PLCH1: variants seen among roughly 807,000 people sequenced by gnomAD.
PLCH1 encodes the protein phospholipase C eta 1.
PLCH1 carries 60 observed loss-of-function variants against 126.7 expected under a neutral mutation model. The ratio of observed to expected loss-of-function variants is 0.47; its 90% confidence interval spans 0.38 to 0.59. The LOEUF is 0.59. Among genes scored for constraint, PLCH1 ranks in the 20% least tolerant of loss-of-function variants. PLCH1 has a pLI of 0.00. For synonymous variants in PLCH1, 719 were observed against 734.9 expected, an observed-to-expected ratio of 0.98 and a Z score of 0.35; for missense variants, 1,723 against 2,040.0, an observed-to-expected ratio of 0.84 and a Z score of 2.99.
At chr3:155,627,934 A>G (rs1321157047) in intron 2 of PLCH1, among the ~76,000 whole-genome samples, 1 of 151,690 alleles carries the variant, frequency 6.6e-6, no homozygotes, top group Non-Finnish European at 1.5e-5. Context: ...CGCCTGGCTA[A>G]TTTTGTAATT....
chr3:155,472,297 C>A (rs1287830552), intron 21 of PLCH1, among the ~76,000 whole-genome samples: 1 of 152,218 alleles, frequency 6.6e-6, no homozygotes, highest in African/African-American at 2.4e-5. Context: ...ATACTACAAA[C>A]AACTCTACAC....
chr3:155,640,855 G>A (rs962760875), intron 2 of PLCH1, among the ~76,000 whole-genome samples: 2 of 152,050 alleles, frequency 1.3e-5, no homozygotes, highest in South Asian at 4.1e-4. Flanking sequence ...CCACTACTCC[G>A]CTAGCATGGT....
chr3:155,455,675 A>G (rs1712419824), intron 21 of PLCH1, among the ~76,000 whole-genome samples: 1 of 152,240 alleles, frequency 6.6e-6, no homozygotes, highest in Admixed American at 6.5e-5. Flanking sequence ...GTAATGGATT[A>G]TAACTGAGTA....
At chr3:155,614,062 A>G (rs1399937882) in intron 2 of PLCH1, among the ~76,000 whole-genome samples, 1 of 152,198 alleles carries the variant, frequency 6.6e-6, no homozygotes, top group Non-Finnish European at 1.5e-5. Context: ...CTGAAAATAA[A>G]TAGAATACTT....
intron 8 of PLCH1, among the ~76,000 whole-genome samples, chr3:155,555,674 C>G (rs1726732786): frequency 6.6e-6 from 1 of 152,202 alleles, no homozygotes; most frequent in Non-Finnish European, 1.5e-5. Flanking sequence ...TCTGGTTAGG[C>G]AAATTTTCTC....
At chr3:155,537,201 C>CAAAAAAAAAAAAAAAA (rs1560128167) in intron 10 of PLCH1, among the ~76,000 whole-genome samples, 6 of 132,108 alleles carry the variant, frequency 4.5e-5, no homozygotes, top group African/African-American at 1.2e-4. Context: ...AAAAAAAAAA[C>CAAAAAAAAAAAAAAAA]CAAAAAAAAA....
downstream of PLCH1, among the ~76,000 whole-genome samples, chr3:155,475,947 C>T (rs1713527713): frequency 6.6e-6 from 1 of 152,080 alleles, no homozygotes; most frequent in African/African-American, 2.4e-5. Flanking sequence ...AGAAGGAACA[C>T]TTCCAAACTC....
At chr3:155,663,653 C>A (rs1441059205) in intron 2 of PLCH1, among the ~76,000 whole-genome samples, 4 of 152,166 alleles carry the variant, frequency 2.6e-5, no homozygotes, top group South Asian at 2.1e-4. Context: ...CACGCAGGGG[C>A]TATGGCTTAT....
chr3:155,634,003 C>T (rs746881238), intron 2 of PLCH1, among the ~76,000 whole-genome samples: 20 of 152,140 alleles, frequency 1.3e-4, no homozygotes, highest in Non-Finnish European at 2.9e-4. Context: ...CTGCAATCCA[C>T]GTCTCCTCTA....
intron 7 of PLCH1, among the ~76,000 whole-genome samples, chr3:155,567,142 G>A (rs1402639980): frequency 6.6e-6 from 1 of 151,836 alleles, no homozygotes; most frequent in African/African-American, 2.4e-5. Context: ...GCACGGTCTC[G>A]GCTCACTGCA....
At chr3:155,743,430 G>A (rs1231048323) in intron 1 of PLCH1, 3 of 392,898 alleles carry the variant, frequency 7.6e-6, no homozygotes, top group Non-Finnish European at 9.8e-6. Flanking sequence ...TACTCGGGAG[G>A]CTGAGGCAAG....
intron 1 of PLCH1, among the ~76,000 whole-genome samples, chr3:155,741,684 C>CTTTTATTTTTAT: frequency 1.9e-5 from 2 of 102,870 alleles, no homozygotes; most frequent in African/African-American, 9.6e-5. Context: ...TTTATATCCT[C>CTTTTATTTTTAT]TTTTTTTTTT....
intron 1 of PLCH1, 88 bp from the exon 2 acceptor site, chr3:155,704,352 AT>A (rs1746497978): frequency 7.5e-6 from 3 of 401,358 alleles, no homozygotes; most frequent in Non-Finnish European, 1.3e-5. Context: ...GTTGCCCAGC[AT>A]TACGGGGCAA....
chr3:155,689,765 G>C (rs1446859551), intron 2 of PLCH1, among the ~76,000 whole-genome samples: 1 of 151,910 alleles, frequency 6.6e-6, no homozygotes, highest in Non-Finnish European at 1.5e-5. Context: ...AAGCAATGAA[G>C]CACACCTATA....
At chr3:155,646,178 G>T (rs1395888208) in intron 2 of PLCH1, among the ~76,000 whole-genome samples, 1 of 152,120 alleles carries the variant, frequency 6.6e-6, no homozygotes, top group Non-Finnish European at 1.5e-5. Context: ...GATCAACAAG[G>T]CCCCAGATGT....
intron 2 of PLCH1, among the ~76,000 whole-genome samples, chr3:155,677,425 C>T (rs1379579593): frequency 3.3e-5 from 5 of 152,208 alleles, no homozygotes; most frequent in African/African-American, 1.2e-4. Flanking sequence ...TATGTGGGCA[C>T]ACACAATTAA....
chr3:155,525,293 T>C (rs1456671701), intron 10 of PLCH1, among the ~76,000 whole-genome samples: 2 of 152,124 alleles, frequency 1.3e-5, no homozygotes, highest in Non-Finnish European at 2.9e-5. Context: ...ACCCATATGA[T>C]AGTATTAAGA....
intron 6 of PLCH1, among the ~76,000 whole-genome samples, chr3:155,579,950 A>G (rs1730448735): frequency 6.6e-6 from 1 of 152,176 alleles, no homozygotes. Flanking sequence ...TGCAGAGGCA[A>G]TAAACAACAG....
chr3:155,719,855 G>T (rs1559961795), intron 1 of PLCH1, among the ~76,000 whole-genome samples: 1 of 151,610 alleles, frequency 6.6e-6, no homozygotes, highest in African/African-American at 2.4e-5. Context: ...GAGTGCAGTG[G>T]CGCAATCTTG....
Sources: allele counts gnomAD v4.1 joint callset (sites outside exome capture counted in the v4.1 genomes callset), GRCh38; gene constraint gnomAD v4.1.1; transcripts MANE v1.5; gene names NCBI Gene and HGNC (gene_info 2026-07-23, HGNC 2026-07-21).